The following ZNF287 variants were observed in gnomAD, a reference collection of about 807,000 sequenced individuals.
ZNF287 encodes zinc finger protein 287, also known as zinc finger protein with KRAB and SCAN domains 13.
ZNF287 carries 31 observed loss-of-function variants against 73.7 expected under a neutral mutation model. That is an observed-to-expected ratio of 0.42 (90% confidence interval 0.32 to 0.57). The LOEUF (loss-of-function observed/expected upper bound fraction) is 0.57. Ranked by LOEUF, ZNF287 falls within the 20% of genes least tolerant of loss-of-function variation. The pLI, the probability that ZNF287 is intolerant of heterozygous loss-of-function variation, is 0.13. For synonymous variants in ZNF287, 301 were observed against 307.2 expected (o/e 0.98, Z 0.21); for missense variants, 641 against 909.3 (o/e 0.70, Z 3.79).
chr17:16,563,908 G>A, intron 3 of ZNF287, 83 bp from the exon 4 acceptor site: 1 of 1,488,622 alleles, frequency 6.7e-7, no homozygotes, highest in Non-Finnish European at 9.0e-7. Flanking sequence ...TGTATGGTGG[G>A]GGACTGTCAC....
Position 16,563,763 on chromosome 17 carries a change from A to G in ZNF287, c.564T>C (p.Arg188=). Residue 188 remains arginine, a synonymous_variant, in exon 4 of 6, where the codon CGT becomes CGC. Coordinates refer to ENST00000395825, the MANE Select transcript of ZNF287 (RefSeq NM_020653.4). ...TCTTGTATAATTCCTTCTGCACAGGACGCATTAACTCCCAGTCCTCCTGGG... is the reference window on the plus strand; with the variant it reads ...TCTTGTATAATTCCTTCTGCACAGGGCGCATTAACTCCCAGTCCTCCTGGG... ...DITQEDWELM[R]PVQKELYKTV... is the part of the protein sequence containing the mutation. 3.1e-6 allele frequency: 5 copies of G among 1,614,012 alleles called. No homozygotes were observed. The highest frequency in any genetic ancestry group is 4.2e-6 in the Non-Finnish European group (5 of 1,179,914).
chr17:16,553,961 C>T (rs1237991520), intron 5 of ZNF287, among the ~76,000 whole-genome samples: 2 of 152,190 alleles, frequency 1.3e-5, no homozygotes, highest in East Asian at 3.8e-4. Context: ...AATGTGTTAA[C>T]ATTATTGGGT....
chr17:16,567,387 C>G lies in ZNF287; in HGVS notation c.345G>C (p.Glu115Asp), dbSNP rs773046984. 8 of 1,614,042 alleles carry G rather than the reference C, an allele frequency of 5.0e-6. No individual in the cohort carries two copies. The highest frequency in any genetic ancestry group is 1.3e-5 in the African/African-American group (1 of 74,908). ...VRTWVKSQYP[E>D]SSEEAVTLVE... ...CCAGAGTCACTGCTTCCTCGCTGCT[C>G]TCTGGATACTGGGACTTTACCCAAG... is the stretch of plus-strand genomic sequence containing the variant. Residue 115 changes from glutamate (E) to aspartate (D), a missense_variant, in exon 2 of 6, where the codon GAG becomes GAC. By Grantham distance (45) the Glu-to-Asp change is conservative. Coordinates refer to ENST00000395825, the MANE Select transcript of ZNF287 (RefSeq NM_020653.4).
chr17:16,566,458 C>A, intron 3 of ZNF287, 67 bp downstream of exon 3: 1 of 1,341,678 alleles, frequency 7.5e-7, no homozygotes, highest in South Asian at 1.3e-5. Context: ...AGTTATAGGG[C>A]CAGGTCAGAA....
rs1906485509 is a variant in ZNF287 at position 16,549,255 on chromosome 17, C to G, written c.*2601G>C. ...AAAAGTGGGAAAAATACACAAAGAT[C>G]TAGGGTTCTCCACTATTACTAGTCT... On this transcript the variant is annotated 3_prime_UTR_variant, in exon 6 of 6. Transcript: ENST00000395825. Among the ~76,000 whole-genome samples, 1 of 152,126 alleles carries G rather than the reference C, an allele frequency of 6.6e-6. No individual in the cohort carries two copies. Among genetic ancestry groups the G allele is most frequent in the African/African-American group, 2.4e-5 (1 of 41,414 alleles).
chr17:16,551,779 G>A lies in ZNF287; in HGVS notation c.*77C>T. 1.4e-6 allele frequency: 2 copies of A among 1,474,924 alleles called. No homozygotes were observed. Among genetic ancestry groups the A allele is most frequent in the South Asian group, 1.4e-5 (1 of 72,904 alleles). The allele number at this position is 1,474,924 out of a possible 1,614,324, so 91.4% of individuals were successfully genotyped here. A position where few individuals can be genotyped will look rare whatever the true frequency, so the allele number is the denominator to read the frequency against. ...TATTGCACTTCTTCAGACTTCTTCTGAATGTTCTGACACATAGAATGCACA... is the reference window on the plus strand; with the variant it reads ...TATTGCACTTCTTCAGACTTCTTCTAAATGTTCTGACACATAGAATGCACA... On this transcript the variant is annotated 3_prime_UTR_variant, in exon 6 of 6. Coordinates refer to ENST00000395825, the MANE Select transcript of ZNF287 (RefSeq NM_020653.4).
intron 5 of ZNF287, 101 bp from the exon 6 acceptor site, chr17:16,553,527 A>G (rs1479972364): frequency 3.1e-6 from 3 of 967,132 alleles, no homozygotes; most frequent in Non-Finnish European, 4.2e-6. Context: ...CCCAAAGACA[A>G]CAGCTCTGAA....
intron 3 of ZNF287, among the ~76,000 whole-genome samples, chr17:16,564,111 T>A (rs933189462): frequency 3.9e-5 from 6 of 152,326 alleles, no homozygotes; most frequent in South Asian, 2.1e-4. Flanking sequence ...ATCATTACTA[T>A]TTTTAAAAGA....
rs1906576864 is a variant in ZNF287, at chr17:16,550,507, A to G, written c.*1349T>C. On this transcript the variant is annotated 3_prime_UTR_variant, in exon 6 of 6. Coordinates refer to ENST00000395825, the MANE Select transcript of ZNF287 (RefSeq NM_020653.4). Reference sequence around the variant, plus strand: ...GATCTATTTTCCATTTTTTTCTCACATTATTTATATAGCTACACTATCACT... The same window carrying G: ...GATCTATTTTCCATTTTTTTCTCACGTTATTTATATAGCTACACTATCACT... Among the ~76,000 whole-genome samples, 1 of 152,108 alleles carries G rather than the reference A, an allele frequency of 6.6e-6. No homozygotes were observed. Among genetic ancestry groups the G allele is most frequent in the Non-Finnish European group, 1.5e-5 (1 of 68,022 alleles).
rs1244169347 is a variant in ZNF287, at chr17:16,552,249, C to G, written c.1893G>C (p.Gln631His). The change falls in exon 6 of 6, where the codon CAG (glutamine) becomes CAC (histidine). Residue 631 changes from glutamine to histidine, a missense_variant. Physicochemically the swap from Gln to His is conservative, Grantham distance 24 (BLOSUM62 0). Transcript: ENST00000395825. This position sits in a 1 kb window ranked among gnomAD's most constrained non-coding sequence, Gnocchi z 6.5. The stretch of plus-strand genomic sequence containing the variant: ...TCTGATGTTGAGTAAGGTGCACACT[C>G]TGGCTGAATGCTTTCCCACACACAC... ...KCSVCGKAFS[Q>H]SVHLTQHQRI... is the part of the protein sequence containing the mutation. 2 of 1,613,896 alleles carry G rather than the reference C, an allele frequency of 1.2e-6. No individual in the cohort carries two copies. Among genetic ancestry groups the G allele is most frequent in the Non-Finnish European group, 1.7e-6 (2 of 1,179,990 alleles).
Position 16,547,589 on chromosome 17 carries a change from C to T in ZNF287, c.*4267G>A, listed in dbSNP as rs1335676819. ...ACTGATGGCATGAGTGAAGAGTTGT[C>T]TTTATGAAAACCAACTTGAATGGTT... On this transcript the variant is annotated 3_prime_UTR_variant, in exon 6 of 6. Transcript: ENST00000395825. Among the ~76,000 whole-genome samples the T allele has an allele frequency of 6.6e-6, 1 of 152,152 alleles. No homozygotes were observed. Among genetic ancestry groups the T allele is most frequent in the Non-Finnish European group, 1.5e-5 (1 of 68,026 alleles).
Position 16,553,427 on chromosome 17 carries a change from C to A in ZNF287, c.716-1G>T. Reference sequence around the variant, plus strand: ...CATGCTTGGGCTTTAGTTTCCCATTCTGAAATAAAAAATATATTAAAAAAT... The same window carrying A: ...CATGCTTGGGCTTTAGTTTCCCATTATGAAATAAAAAATATATTAAAAAAT... On this transcript the variant is annotated splice_acceptor_variant, in intron 5 of 5. Coordinates refer to ENST00000395825, the MANE Select transcript of ZNF287 (RefSeq NM_020653.4). LOFTEE classifies it high-confidence loss of function. 3 of 1,467,794 alleles carry A rather than the reference C, an allele frequency of 2.0e-6. No homozygotes were observed. Among genetic ancestry groups the A allele is most frequent in the South Asian group, 3.1e-5 (2 of 65,110 alleles). 90.9% of individuals were successfully genotyped at this position (1,467,794 alleles called of 1,614,324 possible).
Position 16,552,446 on chromosome 17 carries a change from A to T in ZNF287, c.1696T>A (p.Cys566Ser). 6.2e-7 allele frequency: 1 copy of T among 1,614,128 alleles called. No individual in the cohort carries two copies. ...GCAAAGGCTTTTCCACATTCATTAC[A>T]TTTATAACACTTCTCTCCAGAATGA... ...RIHSGEKCYK[C>S]NECGKAFAHS... The change falls in exon 6 of 6, where the codon TGT becomes AGT. Residue 566 changes from cysteine to serine, a missense_variant. Transcript: ENST00000395825. The surrounding 1 kb of genome is among the most constrained non-coding windows in gnomAD (Gnocchi z 6.5).
rs757211460 is a variant in ZNF287, at chr17:16,563,688, A to G, written c.628+11T>C. ...CAGGCTCGGAGGAGGAGGGATGCAGATGATCCTTACCCAGAGAAACCATGT... is the reference window on the plus strand; with the variant it reads ...CAGGCTCGGAGGAGGAGGGATGCAGGTGATCCTTACCCAGAGAAACCATGT... On this transcript the variant is annotated intron_variant, in intron 4 of 5. Coordinates refer to ENST00000395825, the MANE Select transcript of ZNF287 (RefSeq NM_020653.4). 2 of 1,611,018 alleles carry G rather than the reference A, an allele frequency of 1.2e-6. No homozygotes were observed. Among genetic ancestry groups the G allele is most frequent in the Non-Finnish European group, 1.7e-6 (2 of 1,178,364 alleles).
chr17:16,554,013 T>C (rs183520484), intron 5 of ZNF287, among the ~76,000 whole-genome samples: 2 of 152,350 alleles, frequency 1.3e-5, no homozygotes, highest in Non-Finnish European at 2.9e-5. Flanking sequence ...GCAGTAGAGC[T>C]GAGTAATCTG....
At chr17:16,555,377 G>GC (rs1041212832) in intron 5 of ZNF287, among the ~76,000 whole-genome samples, 1 of 152,036 alleles carries the variant, frequency 6.6e-6, no homozygotes, top group African/African-American at 2.4e-5. Context: ...ACATCATTAT[G>GC]CAGCACATGA....
At chr17:16,560,962 C>T (rs1018278808) in intron 5 of ZNF287, among the ~76,000 whole-genome samples, 1 of 150,896 alleles carries the variant, frequency 6.6e-6, no homozygotes, top group African/African-American at 2.4e-5. Context: ...AAGGTCCCCC[C>T]ACTGCACTCC....
intron 5 of ZNF287, 45 bp from the exon 6 acceptor site, chr17:16,553,471 A>C: frequency 7.3e-7 from 1 of 1,368,294 alleles, no homozygotes; most frequent in Non-Finnish European, 9.6e-7. Flanking sequence ...ATTTGGAGAA[A>C]GGAAACTGCC....
At position 16,552,087 on chromosome 17, in the gene ZNF287, G is replaced by A. The variant is rs866597250; in HGVS notation, c.2055C>T (p.Phe685=). The A allele has an allele frequency of 6.2e-7, 1 of 1,614,094 alleles. No individual in the cohort carries two copies. The part of the protein sequence containing the change: ...PYKCNECGKA[F]IYSSSLNQHQ... ...GTTGATTAAGTGATGAGGAATAAAT[G>A]AAAGCTTTCCCACATTCATTACATT... The change falls in exon 6 of 6, where the codon TTC becomes TTT. Residue 685 remains phenylalanine (F), a synonymous_variant. Coordinates refer to ENST00000395825, the MANE Select transcript of ZNF287 (RefSeq NM_020653.4). The surrounding 1 kb of genome is among the most constrained non-coding windows in gnomAD (Gnocchi z 6.5).
Sources: allele counts gnomAD v4.1 joint callset (sites outside exome capture counted in the v4.1 genomes callset), GRCh38; gene constraint gnomAD v4.1.1; non-coding constraint Gnocchi (gnomAD v3.1); transcripts MANE v1.5; gene names NCBI Gene and HGNC (gene_info 2026-07-23, HGNC 2026-07-21).